The following ADGRB3 variants were observed in gnomAD, a reference collection of about 807,000 sequenced individuals.
The protein encoded by ADGRB3 is adhesion G protein-coupled receptor B3.
ADGRB3 carries 37 observed loss-of-function variants against 193.4 expected under a neutral mutation model. That is an observed-to-expected ratio of 0.19 (90% CI 0.15 to 0.25). The LOEUF is 0.25. ADGRB3 is among the 10% of genes least tolerant of loss of function. ADGRB3 has a pLI of 1.00. For missense variants in ADGRB3, 1,637 were observed against 1,852.9 expected, an observed-to-expected ratio of 0.88 and a Z score of 2.14; for synonymous variants, 690 against 644.2, an observed-to-expected ratio of 1.07 and a Z score of -1.08.
chr6:69,088,245 A>G (rs904532927), intron 17 of ADGRB3, among the ~76,000 whole-genome samples: 6 of 152,322 alleles, frequency 3.9e-5, no homozygotes, highest in Middle Eastern at 3.4e-3. Context: ...TTATTGACAC[A>G]TATGTTATAC....
chr6:68,978,319 G>T (rs1271298905), intron 10 of ADGRB3, among the ~76,000 whole-genome samples: 1 of 134,530 alleles, frequency 7.4e-6, no homozygotes, highest in Admixed American at 7.5e-5. Flanking sequence ...TAGGTAGGTA[G>T]GTAGATAGAT....
intron 3 of ADGRB3, among the ~76,000 whole-genome samples, chr6:68,695,709 T>A (rs951033363): frequency 3.9e-5 from 6 of 152,024 alleles, no homozygotes; most frequent in Non-Finnish European, 8.8e-5. Flanking sequence ...TTGCAGTCTA[T>A]TCTTGGTGGG....
chr6:69,279,502 G>A (rs1038461850), intron 20 of ADGRB3, among the ~76,000 whole-genome samples: 1 of 151,856 alleles, frequency 6.6e-6, no homozygotes, highest in African/African-American at 2.4e-5. Context: ...CTTAAGTAAT[G>A]ATGCTTTCTT....
intron 3 of ADGRB3, among the ~76,000 whole-genome samples, chr6:68,660,639 A>T (rs1025963877): frequency 1.3e-5 from 2 of 151,140 alleles, no homozygotes; most frequent in African/African-American, 4.8e-5. Flanking sequence ...TAAAGATAAG[A>T]TTGAAACACT....
chr6:69,298,599 A>AT (rs2127295639), intron 20 of ADGRB3, among the ~76,000 whole-genome samples: 1 of 151,822 alleles, frequency 6.6e-6, no homozygotes, highest in Admixed American at 6.6e-5. Flanking sequence ...TGAGATCAAT[A>AT]TTTTTAGCTC....
intron 17 of ADGRB3, among the ~76,000 whole-genome samples, chr6:69,210,497 C>A (rs1274459710): frequency 6.6e-6 from 1 of 152,092 alleles, no homozygotes; most frequent in African/African-American, 2.4e-5. Context: ...ACAGACACAT[C>A]CAGGATCACT....
At chr6:69,245,292 C>G (rs1766476505) in intron 20 of ADGRB3, among the ~76,000 whole-genome samples, 1 of 152,000 alleles carries the variant, frequency 6.6e-6, no homozygotes, top group Non-Finnish European at 1.5e-5. Context: ...TCTGACCACT[C>G]GATTTCTCTA....
intron 11 of ADGRB3, among the ~76,000 whole-genome samples, chr6:69,007,990 A>G (rs529469262): frequency 6.6e-6 from 1 of 152,138 alleles, no homozygotes; most frequent in Admixed American, 6.6e-5. Flanking sequence ...CTGCGTCCTA[A>G]CATAGTGGAA....
chr6:69,256,680 A>T (rs1766779665), intron 20 of ADGRB3, among the ~76,000 whole-genome samples: 1 of 152,090 alleles, frequency 6.6e-6, no homozygotes, highest in Admixed American at 6.6e-5. Flanking sequence ...CTTTTCCTAA[A>T]TGAATACCCT....
intron 3 of ADGRB3, among the ~76,000 whole-genome samples, chr6:68,883,648 C>T (rs509304): frequency 0.21 from 31,939 of 151,948 alleles, 3,892 homozygotes; most frequent in East Asian, 0.58. Context: ...CTGTAACACT[C>T]ACCGCAAAGG....
At chr6:69,337,378 C>G (rs1768875407) in intron 24 of ADGRB3, among the ~76,000 whole-genome samples, 1 of 151,898 alleles carries the variant, frequency 6.6e-6, no homozygotes, top group Admixed American at 6.6e-5. Flanking sequence ...GTACTTGTTC[C>G]TGTTTGTTCA....
At chr6:68,777,961 T>G (rs776961618) in intron 3 of ADGRB3, among the ~76,000 whole-genome samples, 2 of 152,066 alleles carry the variant, frequency 1.3e-5, no homozygotes, top group Non-Finnish European at 2.9e-5. Flanking sequence ...TAGAACATCC[T>G]TTAAGCAATG....
chr6:68,959,436 T>G (rs1768172863), intron 8 of ADGRB3, among the ~76,000 whole-genome samples: 1 of 152,158 alleles, frequency 6.6e-6, no homozygotes, highest in Admixed American at 6.6e-5. Flanking sequence ...TTCAAGTTGC[T>G]GAAAACAACT....
rs59919588 is a variant in ADGRB3, at chr6:68,765,537, G to GACACACACACACACACAC, written c.757+126128_757+126145dup. ...TTCTTGTCCTGTATATATTCTTATA[G>GACACACACACACACACAC]ACACACACACACACACACACACACA... On this transcript the variant is annotated intron_variant, in intron 3 of 31. Transcript: ENST00000370598. Among the ~76,000 whole-genome samples, 14 of 143,554 alleles carry GACACACACACACACACAC rather than the reference G, an allele frequency of 9.8e-5. No individual in the cohort carries two copies. The East Asian group carries it at 1.0e-3, about 11-fold the overall frequency. 94.2% of individuals were successfully genotyped at this position (143,554 alleles called of 152,430 possible).
intron 17 of ADGRB3, among the ~76,000 whole-genome samples, chr6:69,146,294 C>G (rs141965565): frequency 2.8e-4 from 43 of 152,320 alleles, no homozygotes; most frequent in African/African-American, 1.0e-3. Flanking sequence ...GTGACAGTGC[C>G]CAGGCTTGGC....
intron 17 of ADGRB3, among the ~76,000 whole-genome samples, chr6:69,145,837 G>A (rs958928710): frequency 6.6e-6 from 1 of 151,936 alleles, no homozygotes; most frequent in Non-Finnish European, 1.5e-5. Context: ...ACCCTGGAGT[G>A]GTTAGCTCCT....
At chr6:69,321,022 C>G (rs1172016793) in intron 20 of ADGRB3, among the ~76,000 whole-genome samples, 2 of 151,764 alleles carry the variant, frequency 1.3e-5, no homozygotes, top group Non-Finnish European at 3.0e-5. Context: ...TATGACCTTT[C>G]TACTTCCCAT....
chr6:68,984,240 C>T (rs1769009151), intron 10 of ADGRB3, among the ~76,000 whole-genome samples: 1 of 152,090 alleles, frequency 6.6e-6, no homozygotes, highest in Non-Finnish European at 1.5e-5. Flanking sequence ...GGACTGGAAA[C>T]TTTGAAACCT....
At chr6:69,313,535 C>T (rs979367168) in intron 20 of ADGRB3, among the ~76,000 whole-genome samples, 1 of 151,752 alleles carries the variant, frequency 6.6e-6, no homozygotes, top group African/African-American at 2.4e-5. Flanking sequence ...ATTTTGTTTG[C>T]TTTGCTTGTT....
Sources: allele counts gnomAD v4.1 joint callset (sites outside exome capture counted in the v4.1 genomes callset), GRCh38; gene constraint gnomAD v4.1.1; transcripts MANE v1.5; gene names NCBI Gene and HGNC (gene_info 2026-07-23, HGNC 2026-07-21).